Variants in ACVR1 observed in about 807,000 individuals in gnomAD.
The protein encoded by ACVR1 is activin A receptor type 1.
In ACVR1, 38 loss-of-function variants were observed where a neutral mutation model predicts 57.1. That is an observed-to-expected ratio of 0.67 (90% confidence interval 0.51 to 0.87). The LOEUF is 0.87. Ranked by LOEUF, ACVR1 falls within the 40% of genes least tolerant of loss-of-function variation. ACVR1 has a pLI of 0.00. For missense variants in ACVR1, 463 were observed against 638.2 expected (o/e 0.73, Z 2.96); for synonymous variants, 212 against 228.1 (o/e 0.93, Z 0.63).
chr2:157,757,395 C>T (rs1320981812), intron 9 of ACVR1, among the ~76,000 whole-genome samples: 1 of 151,826 alleles, frequency 6.6e-6, no homozygotes, highest in Admixed American at 6.6e-5. Context: ...ATATAGGAAG[C>T]TCAAAGATCC....
chr2:157,759,835 C>T (rs1365468612), intron 9 of ACVR1, among the ~76,000 whole-genome samples: 1 of 152,098 alleles, frequency 6.6e-6, no homozygotes, highest in Non-Finnish European at 1.5e-5. Context: ...GAATCAAAGA[C>T]AAAAACCTCA....
At chr2:157,827,109 C>T (rs1344997704) in intron 1 of ACVR1, among the ~76,000 whole-genome samples, 1 of 152,000 alleles carries the variant, frequency 6.6e-6, no homozygotes, top group African/African-American at 2.4e-5. Flanking sequence ...GCAGAAAGTA[C>T]CAAATACCTT....
chr2:157,868,958 A>T (rs76815443), intron 1 of ACVR1, among the ~76,000 whole-genome samples: 2,054 of 152,316 alleles, frequency 0.013, 45 homozygotes, highest in African/African-American at 0.047. Flanking sequence ...TTTGAATGCA[A>T]AGAGCTGTCC....
At chr2:157,815,127 G>A (rs1389343347) in intron 2 of ACVR1, among the ~76,000 whole-genome samples, 1 of 152,010 alleles carries the variant, frequency 6.6e-6, no homozygotes, top group Non-Finnish European at 1.5e-5. Flanking sequence ...GCGCTACTAT[G>A]GAAGAACTTC....
intron 1 of ACVR1, among the ~76,000 whole-genome samples, chr2:157,856,549 G>A (rs1364803085): frequency 6.6e-6 from 1 of 152,172 alleles, no homozygotes; most frequent in Admixed American, 6.5e-5. Flanking sequence ...AAACTAACAA[G>A]TATTTATTGA....
rs894939456 is a variant in ACVR1, at chr2:157,799,551, G to T, written c.-7-51C>A. The T allele has an allele frequency of 2.8e-6, 4 of 1,439,258 alleles. No individual in the cohort carries two copies. In the African/African-American group the frequency reaches 4.2e-5, roughly 15 times the overall value. The allele number at this position is 1,439,258 out of a possible 1,614,324, so 89.2% of individuals were successfully genotyped here. ...AGTAAAGCATAAATATCTAACTGCA[G>T]GAAGACAAATTAAGCATACCACCTT... On this transcript the variant is annotated intron_variant, in intron 2 of 10. Coordinates refer to ENST00000434821, the MANE Select transcript of ACVR1 (RefSeq NM_001111067.4).
chr2:157,803,600 C>T (rs1687406488), intron 2 of ACVR1, among the ~76,000 whole-genome samples: 1 of 152,096 alleles, frequency 6.6e-6, no homozygotes, highest in Non-Finnish European at 1.5e-5. Flanking sequence ...AAGAAAATTG[C>T]ATTTTTAAAA....
intron 1 of ACVR1, among the ~76,000 whole-genome samples, chr2:157,865,497 A>G (rs1278022287): frequency 1.3e-5 from 2 of 152,160 alleles, no homozygotes; most frequent in Non-Finnish European, 2.9e-5. Context: ...ATAGATAGAT[A>G]GACAGACAGA....
chr2:157,743,046 T>TA (rs1440503772), intron 9 of ACVR1, among the ~76,000 whole-genome samples: 1 of 152,128 alleles, frequency 6.6e-6, no homozygotes, highest in East Asian at 1.9e-4. Flanking sequence ...GTCCTTCACA[T>TA]ACCTGGACAT....
intron 2 of ACVR1, among the ~76,000 whole-genome samples, chr2:157,804,333 C>T (rs911945535): frequency 5.3e-5 from 8 of 152,108 alleles, no homozygotes; most frequent in Non-Finnish European, 7.3e-5. Flanking sequence ...ACATCACAGA[C>T]GTCAACAAGT....
chr2:157,797,869 T>G (rs1687177749), intron 3 of ACVR1, among the ~76,000 whole-genome samples: 1 of 152,110 alleles, frequency 6.6e-6, no homozygotes, highest in South Asian at 2.1e-4. Flanking sequence ...CCCCTCAGGA[T>G]TGGGATTTGT....
At chr2:157,847,112 C>T (rs1057181810) in intron 1 of ACVR1, among the ~76,000 whole-genome samples, 1 of 152,188 alleles carries the variant, frequency 6.6e-6, no homozygotes, top group African/African-American at 2.4e-5. Context: ...TGATGTTGCA[C>T]AGGAGAGTAT....
At chr2:157,761,379 C>A (rs766850219) in intron 8 of ACVR1, among the ~76,000 whole-genome samples, 2 of 152,112 alleles carry the variant, frequency 1.3e-5, no homozygotes, top group Admixed American at 1.3e-4. Context: ...TGTTTGAGGT[C>A]CACAGGAAAA....
intron 1 of ACVR1, among the ~76,000 whole-genome samples, chr2:157,872,242 T>G (rs1166236455): frequency 6.6e-6 from 1 of 152,164 alleles, no homozygotes; most frequent in East Asian, 1.9e-4. Context: ...GGATTCCAAT[T>G]AAAATTTCTG....
At chr2:157,815,444 C>G (rs1026123093) in intron 2 of ACVR1, among the ~76,000 whole-genome samples, 1 of 152,052 alleles carries the variant, frequency 6.6e-6, no homozygotes. Context: ...AAGAAAAATA[C>G]AAATATTCAT....
intron 1 of ACVR1, among the ~76,000 whole-genome samples, chr2:157,856,710 T>C (rs1396326745): frequency 1.3e-5 from 2 of 152,174 alleles, no homozygotes; most frequent in South Asian, 2.1e-4. Context: ...GCTTCCACTA[T>C]AGATGATTTC....
intron 1 of ACVR1, among the ~76,000 whole-genome samples, chr2:157,846,320 TA>T (rs2105360218): frequency 6.6e-6 from 1 of 152,358 alleles, no homozygotes. Context: ...TTCAAGATAC[TA>T]AATTTGTCAT....
intron 1 of ACVR1, among the ~76,000 whole-genome samples, chr2:157,818,809 T>G (rs1688042168): frequency 6.6e-6 from 1 of 152,128 alleles, no homozygotes; most frequent in South Asian, 2.1e-4. Flanking sequence ...CCGGGCGCGG[T>G]GGCTCACGCC....
At chr2:157,756,040 C>A in intron 9 of ACVR1, among the ~76,000 whole-genome samples, 1 of 151,360 alleles carries the variant, frequency 6.6e-6, no homozygotes, top group Non-Finnish European at 1.5e-5. Flanking sequence ...ATCTTTGACA[C>A]AGCAAAAAAA....
Sources: gnomAD v4.1 joint callset for allele counts (sites outside exome capture counted in the v4.1 genomes callset) on GRCh38, gnomAD v4.1.1 for gene constraint, MANE v1.5 for transcripts, NCBI Gene and HGNC (gene_info 2026-07-23, HGNC 2026-07-21) for gene names.